Variants in HDAC9 observed in about 807,000 individuals in gnomAD.
HDAC9 encodes the protein MEF-2 interacting transcription repressor (MITR) protein.
A neutral mutation model predicts 139.4 loss-of-function variants in HDAC9; 41 were observed. That is an observed-to-expected ratio of 0.29 (90% confidence interval 0.23 to 0.38). HDAC9 has a LOEUF of 0.38. HDAC9 is among the 10% of genes least tolerant of loss of function. The pLI is 1.00. For missense variants in HDAC9, 1,147 were observed against 1,297.0 expected (o/e 0.88, Z 1.78); for synonymous variants, 517 against 476.2 (o/e 1.09, Z -1.12).
intron 1 of HDAC9, among the ~76,000 whole-genome samples, chr7:18,379,633 A>C (rs1785263950): frequency 6.6e-6 from 1 of 152,224 alleles, no homozygotes; most frequent in Non-Finnish European, 1.5e-5. Context: ...ATTAACCTTA[A>C]GTATGCAATC....
chr7:18,910,293 C>G (rs1436940200), intron 22 of HDAC9, among the ~76,000 whole-genome samples: 2 of 151,800 alleles, frequency 1.3e-5, no homozygotes, highest in Non-Finnish European at 2.9e-5. Flanking sequence ...TAAATATTTT[C>G]TCATATATTT....
intron 1 of HDAC9, among the ~76,000 whole-genome samples, chr7:18,293,653 T>A (rs982162729): frequency 6.6e-6 from 1 of 152,112 alleles, no homozygotes; most frequent in Non-Finnish European, 1.5e-5. Flanking sequence ...TCACAACCTG[T>A]AAAGCATGGT....
intron 6 of HDAC9, among the ~76,000 whole-genome samples, chr7:18,615,261 C>T (rs1454645638): frequency 6.6e-6 from 1 of 152,014 alleles, no homozygotes; most frequent in Non-Finnish European, 1.5e-5. Context: ...AACTGTTCCC[C>T]CTCCTCTTTT....
At chr7:18,744,474 T>G (rs1787755487) in intron 13 of HDAC9, among the ~76,000 whole-genome samples, 1 of 152,154 alleles carries the variant, frequency 6.6e-6, no homozygotes, top group Non-Finnish European at 1.5e-5. Flanking sequence ...TAAGTGTTGT[T>G]TAGCAAACAC....
chr7:18,638,092 T>C (rs775932940), intron 8 of HDAC9, among the ~76,000 whole-genome samples: 6 of 152,076 alleles, frequency 3.9e-5, no homozygotes, highest in Non-Finnish European at 5.9e-5. Flanking sequence ...GTTGCATACT[T>C]TACCGTTTAC....
At chr7:18,644,141 A>C (rs1364620345) in intron 8 of HDAC9, among the ~76,000 whole-genome samples, 1 of 152,130 alleles carries the variant, frequency 6.6e-6, no homozygotes, top group Non-Finnish European at 1.5e-5. Flanking sequence ...AAAATACACC[A>C]CACAGAATTG....
intron 2 of HDAC9, among the ~76,000 whole-genome samples, chr7:18,267,268 A>G (rs1031961648): frequency 8.5e-5 from 13 of 152,066 alleles, no homozygotes; most frequent in African/African-American, 3.1e-4. Context: ...TAATTTATGC[A>G]TTATCTTTCA....
intron 14 of HDAC9, among the ~76,000 whole-genome samples, chr7:18,756,442 C>T (rs151111949): frequency 6.8e-4 from 104 of 152,304 alleles, no homozygotes; most frequent in African/African-American, 2.5e-3. Flanking sequence ...AAGAAACAAG[C>T]ATCATGGAAT....
chr7:18,979,820 C>G (rs1292815989), intron 25 of HDAC9, among the ~76,000 whole-genome samples: 1 of 152,060 alleles, frequency 6.6e-6, no homozygotes, highest in Non-Finnish European at 1.5e-5. Context: ...CATGTGAGCT[C>G]AGAGCAAGAG....
chr7:18,743,071 C>T (rs771605258), intron 13 of HDAC9, among the ~76,000 whole-genome samples: 7 of 152,072 alleles, frequency 4.6e-5, no homozygotes, highest in Admixed American at 2.6e-4. Flanking sequence ...ATATTCTCAA[C>T]GGCCCTGTTT....
At position 18,433,332 on chromosome 7, in the gene HDAC9, C is replaced by A. The variant is rs144032179; in HGVS notation, c.-41-62930C>A. Among the ~76,000 whole-genome samples, 9 of 152,230 alleles carry A rather than the reference C, an allele frequency of 5.9e-5. No homozygotes were observed. The East Asian group carries it at 1.5e-3, about 26-fold the overall frequency. On this transcript the variant is annotated intron_variant, in intron 1 of 3. Coordinates refer to the HDAC9 transcript ENST00000413509. ...AAAGCATTACCCTTAAGAACCAAGC[C>A]AAGACAGGGATGCCCACTTTCACCA... is the stretch of plus-strand genomic sequence containing the variant.
At chr7:18,904,974 C>A (rs1041204734) in intron 22 of HDAC9, among the ~76,000 whole-genome samples, 3 of 152,062 alleles carry the variant, frequency 2.0e-5, no homozygotes, top group Non-Finnish European at 4.4e-5. Context: ...TGTCCACTCA[C>A]TACAACATCC....
At chr7:18,783,453 T>C (rs934584356) in intron 16 of HDAC9, among the ~76,000 whole-genome samples, 1 of 152,080 alleles carries the variant, frequency 6.6e-6, no homozygotes, top group Admixed American at 6.6e-5. Flanking sequence ...ACAAAAGACA[T>C]AGAACATAAA....
intron 1 of HDAC9, among the ~76,000 whole-genome samples, chr7:18,335,565 G>C (rs1034197513): frequency 6.6e-6 from 1 of 151,504 alleles, no homozygotes; most frequent in East Asian, 1.9e-4. Context: ...GAGAGTAAAA[G>C]GGCAAGAATT....
intron 21 of HDAC9, among the ~76,000 whole-genome samples, chr7:18,870,349 A>AG (rs1798819619): frequency 2.0e-5 from 3 of 152,140 alleles, no homozygotes; most frequent in Admixed American, 2.0e-4. Context: ...TTACTTTTGA[A>AG]GAATACTGGT....
At chr7:18,847,940 A>G (rs1203136967) in intron 21 of HDAC9, among the ~76,000 whole-genome samples, 1 of 152,214 alleles carries the variant, frequency 6.6e-6, no homozygotes, top group Non-Finnish European at 1.5e-5. Flanking sequence ...TATCAGACTT[A>G]ACTCGTTATG....
intron 1 of HDAC9, among the ~76,000 whole-genome samples, chr7:18,393,254 A>AT (rs1190871745): frequency 6.6e-6 from 1 of 152,174 alleles, no homozygotes; most frequent in Non-Finnish European, 1.5e-5. Context: ...TATAAGAAGT[A>AT]TCCTGGACAA....
At chr7:18,250,376 A>G (rs1398139957) in intron 2 of HDAC9, among the ~76,000 whole-genome samples, 2 of 152,224 alleles carry the variant, frequency 1.3e-5, no homozygotes, top group African/African-American at 2.4e-5. Flanking sequence ...AGTAAGACAA[A>G]AAGAGAATGG....
chr7:18,702,071 C>A (rs1414902926), intron 12 of HDAC9, among the ~76,000 whole-genome samples: 1 of 151,996 alleles, frequency 6.6e-6, no homozygotes, highest in Non-Finnish European at 1.5e-5. Context: ...AAGTTGCAAG[C>A]CAGGCACCAT....
Sources: gnomAD v4.1 joint callset for allele counts (sites outside exome capture counted in the v4.1 genomes callset) on GRCh38, gnomAD v4.1.1 for gene constraint, MANE v1.5 for transcripts, NCBI Gene and HGNC (gene_info 2026-07-23, HGNC 2026-07-21) for gene names.